The following ENTREP2 variants were observed in gnomAD, a reference collection of about 807,000 sequenced individuals.
ENTREP2 encodes endosomal transmembrane epsin interactor 2.
At chr15:29,135,039 G>A in the ENTREP2 span, among the ~76,000 whole-genome samples, 2 of 151,974 alleles carry the variant, frequency 1.3e-5, no homozygotes, top group African/African-American at 2.4e-5. The surrounding 1 kb of genome is among the most constrained non-coding windows in gnomAD (Gnocchi z 7.4). Flanking sequence ...GTTCTGGGTG[G>A]GCCTGGATGC....
At chr15:29,421,626 A>G in the ENTREP2 span, among the ~76,000 whole-genome samples, 17 of 152,238 alleles carry the variant, frequency 1.1e-4, no homozygotes, top group African/African-American at 3.9e-4. Context: ...ACACATAGAC[A>G]TGAATATTTT....
chr15:29,413,897 A>AAAG, the ENTREP2 span, among the ~76,000 whole-genome samples: 1 of 152,216 alleles, frequency 6.6e-6, no homozygotes, highest in Non-Finnish European at 1.5e-5. Flanking sequence ...CAAAAGAGAC[A>AAAG]AAGAAGGTCA....
chr15:29,312,450 G>C, the ENTREP2 span, among the ~76,000 whole-genome samples: 1 of 151,920 alleles, frequency 6.6e-6, no homozygotes, highest in Non-Finnish European at 1.5e-5. Context: ...GTTTTTTTAC[G>C]GATTGAAGGT....
the ENTREP2 span, among the ~76,000 whole-genome samples, chr15:29,328,413 T>C: frequency 6.6e-5 from 10 of 152,184 alleles, no homozygotes; most frequent in Admixed American, 4.6e-4. Flanking sequence ...AATCTGCAGA[T>C]ATGCTAACTT....
chr15:29,624,128 G>C, the ENTREP2 span, among the ~76,000 whole-genome samples: 1 of 152,134 alleles, frequency 6.6e-6, no homozygotes, highest in Non-Finnish European at 1.5e-5. Flanking sequence ...TGGTACTTTC[G>C]ACTTGGTTTA....
chr15:29,136,324 A>AG, the ENTREP2 span: 1 of 1,461,786 alleles, frequency 6.8e-7, no homozygotes, highest in Non-Finnish European at 9.0e-7. Flanking sequence ...TGTCCCTAGC[A>AG]TTCCCACGGG....
At chr15:29,135,862 G>A in the ENTREP2 span, among the ~76,000 whole-genome samples, 736 of 152,312 alleles carry the variant, frequency 4.8e-3, 4 homozygotes, top group African/African-American at 0.017. This position sits in a 1 kb window ranked among gnomAD's most constrained non-coding sequence, Gnocchi z 7.4. Flanking sequence ...CACCCCAGAG[G>A]GCGGTGATGG....
chr15:29,325,668 C>T, the ENTREP2 span, among the ~76,000 whole-genome samples: 377 of 152,234 alleles, frequency 2.5e-3, 1 homozygote, highest in Non-Finnish European at 3.1e-3. Flanking sequence ...TCCTACTAAA[C>T]ACTGATGGAA....
At chr15:29,165,343 T>C in the ENTREP2 span, among the ~76,000 whole-genome samples, 2 of 151,530 alleles carry the variant, frequency 1.3e-5, no homozygotes, top group African/African-American at 2.4e-5. Flanking sequence ...CTAAATGAAA[T>C]TGAAACAAAC....
chr15:29,429,378 C>T, the ENTREP2 span, among the ~76,000 whole-genome samples: 2 of 152,178 alleles, frequency 1.3e-5, no homozygotes, highest in African/African-American at 2.4e-5. Flanking sequence ...CACGCTACCA[C>T]ACCTGGGTAA....
the ENTREP2 span, among the ~76,000 whole-genome samples, chr15:29,255,417 G>C: frequency 6.6e-6 from 1 of 152,174 alleles, no homozygotes; most frequent in African/African-American, 2.4e-5. Flanking sequence ...TACACTGTTG[G>C]TGGAAATGTA....
the ENTREP2 span, among the ~76,000 whole-genome samples, chr15:29,393,766 TAA>T: frequency 1.8e-4 from 27 of 152,254 alleles, no homozygotes; most frequent in East Asian, 5.8e-4. Flanking sequence ...ACAAATGTTA[TAA>T]GTTATCAAAA....
chr15:29,132,475 G>T, the ENTREP2 span, among the ~76,000 whole-genome samples: 1 of 152,172 alleles, frequency 6.6e-6, no homozygotes, highest in African/African-American at 2.4e-5. Context: ...CCCTGCAGGC[G>T]GTCGTGCTGT....
At chr15:29,264,864 T>G in the ENTREP2 span, 1 of 152,200 alleles carries the variant, frequency 6.6e-6, no homozygotes, top group African/African-American at 2.4e-5. Context: ...GATGCAAAAT[T>G]ATACATTTTG....
At chr15:29,159,687 G>A in the ENTREP2 span, among the ~76,000 whole-genome samples, 3 of 114,530 alleles carry the variant, frequency 2.6e-5, no homozygotes, top group Non-Finnish European at 5.8e-5. Context: ...GTCCCCACCA[G>A]AGTAGCTAGA....
At chr15:29,422,246 A>G in the ENTREP2 span, among the ~76,000 whole-genome samples, 1 of 151,988 alleles carries the variant, frequency 6.6e-6, no homozygotes, top group Non-Finnish European at 1.5e-5. Flanking sequence ...CTCCAGCCTG[A>G]GCAACAAGAG....
the ENTREP2 span, among the ~76,000 whole-genome samples, chr15:29,241,286 A>C: frequency 1.1e-4 from 17 of 152,334 alleles, no homozygotes; most frequent in Middle Eastern, 3.4e-3. Context: ...GCAGCCCCCT[A>C]GATATACAGC....
chr15:29,563,343 CT>C, the ENTREP2 span, among the ~76,000 whole-genome samples: 636 of 152,178 alleles, frequency 4.2e-3, 4 homozygotes, highest in African/African-American at 0.015. Context: ...ATATCACCTT[CT>C]TTTTTTTATT....
chr15:29,645,466 C>T, the ENTREP2 span, among the ~76,000 whole-genome samples: 1 of 152,152 alleles, frequency 6.6e-6, no homozygotes, highest in African/African-American at 2.4e-5. Flanking sequence ...AGCAATGATG[C>T]CTCCCTGCAA....
Sources: gnomAD v4.1 joint callset for allele counts (sites outside exome capture counted in the v4.1 genomes callset) on GRCh38, gnomAD v4.1.1 for gene constraint, Gnocchi (gnomAD v3.1) non-coding constraint, MANE v1.5 for transcripts, NCBI Gene and HGNC (gene_info 2026-07-23, HGNC 2026-07-21) for gene names.